Variants in TBC1D21 observed in about 807,000 individuals in gnomAD.
TBC1D21 encodes the protein TBC1 domain family member 21, also known as male germ cell Rab GTPase-activating protein.
A neutral mutation model predicts 46.0 loss-of-function variants in TBC1D21; 38 were observed. The observed-to-expected ratio is 0.83, with a 90% CI of 0.64 to 1.08. The LOEUF (loss-of-function observed/expected upper bound fraction) is 1.08, where lower values mean the gene tolerates loss of function less well. Among genes scored for constraint, TBC1D21 ranks in the 50% least tolerant of loss-of-function variants. The probability of loss-of-function intolerance (pLI) is 0.00; values close to 1 mark genes in which losing one functional copy is unlikely to be tolerated. For missense variants in TBC1D21, 415 were observed against 417.9 expected (o/e 0.99, Z 0.06); for synonymous variants, 151 against 157.2 (o/e 0.96, Z 0.29).
the TBC1D21 span, among the ~76,000 whole-genome samples, chr15:73,897,857 G>A: frequency 1.3e-5 from 2 of 152,192 alleles, no homozygotes; most frequent in African/African-American, 4.8e-5. Flanking sequence ...GGGGAGCCTC[G>A]GGTTTCCCCG....
chr15:73,907,148 CTCT>C, the TBC1D21 span, among the ~76,000 whole-genome samples: 32,129 of 151,922 alleles, frequency 0.21, 4,333 homozygotes, highest in East Asian at 0.68. Flanking sequence ...GCTCCTCCTC[CTCT>C]TTTTTTCCCC....
chr15:73,888,576 CTCCTCT>C (rs1440568768), intron 10 of TBC1D21, 63 bp downstream of exon 10: 5 of 1,062,056 alleles, frequency 4.7e-6, no homozygotes, highest in Admixed American at 2.0e-5. Flanking sequence ...CCTCCTCCTC[CTCCTCT>C]TCCTCCTCCT....
chr15:73,889,243 C>A (rs1484564321), downstream of TBC1D21: 2 of 1,036,852 alleles, frequency 1.9e-6, no homozygotes, highest in African/African-American at 1.6e-5. Context: ...ATGTCTTTGA[C>A]CTTAGGGGCT....
downstream of TBC1D21, among the ~76,000 whole-genome samples, chr15:73,889,773 C>T (rs1193301473): frequency 2.6e-5 from 4 of 152,274 alleles, no homozygotes; most frequent in Admixed American, 6.5e-5. Flanking sequence ...CTTGATCAAT[C>T]TTTCTTGAGA....
chr15:73,889,330 T>C, downstream of TBC1D21: 1 of 530,410 alleles, frequency 1.9e-6, no homozygotes. Flanking sequence ...ATTCTGAGAC[T>C]AGGGAGGGTG....
the TBC1D21 span, among the ~76,000 whole-genome samples, chr15:73,898,863 C>CAAAAAAAAAAAAA: frequency 4.1e-4 from 10 of 24,106 alleles, 1 homozygote; most frequent in East Asian, 8.2e-3. Context: ...GACTCCATCT[C>CAAAAAAAAAAAAA]AAAAAAAAAA....
intron 4 of TBC1D21, among the ~76,000 whole-genome samples, 198 bp from the exon 5 acceptor site, chr15:73,884,583 G>T (rs1455121027): frequency 1.3e-5 from 2 of 152,192 alleles, no homozygotes; most frequent in African/African-American, 4.8e-5. Flanking sequence ...CTCGTTAGAG[G>T]GTTGGAGGTG....
downstream of TBC1D21, among the ~76,000 whole-genome samples, chr15:73,890,407 T>A (rs2068327401): frequency 6.6e-6 from 1 of 152,232 alleles, no homozygotes; most frequent in Non-Finnish European, 1.5e-5. Flanking sequence ...GAGCTCATGT[T>A]TGCTGGGCAG....
chr15:73,874,956 A>C (rs76721660), intron 1 of TBC1D21, among the ~76,000 whole-genome samples: 9,950 of 152,262 alleles, frequency 0.065, 794 homozygotes, highest in East Asian at 0.2. Context: ...GGAGTAGAAA[A>C]GAGAACCTGT....
chr15:73,885,142 A>AC (rs761853084), intron 6 of TBC1D21, 39 bp downstream of exon 6: 1 of 1,544,706 alleles, frequency 6.5e-7, no homozygotes, highest in South Asian at 1.1e-5. Context: ...CCCCTCCCCA[A>AC]CCCCCCACTA....
the TBC1D21 span, among the ~76,000 whole-genome samples, chr15:73,897,500 A>G: frequency 2.6e-5 from 4 of 152,242 alleles, no homozygotes; most frequent in Non-Finnish European, 5.9e-5. Flanking sequence ...GGCTTCCCAC[A>G]GCCACAAGGT....
At chr15:73,889,582 A>G (rs188711484), downstream of TBC1D21, among the ~76,000 whole-genome samples, 54 of 152,324 alleles carry the variant, frequency 3.5e-4, no homozygotes, top group Non-Finnish European at 6.9e-4. Flanking sequence ...GTCCTGTCAC[A>G]TCAATCACAC....
chr15:73,906,531 C>T, the TBC1D21 span, among the ~76,000 whole-genome samples: 70 of 152,140 alleles, frequency 4.6e-4, no homozygotes, highest in African/African-American at 1.6e-3. Context: ...ACAAGGTACA[C>T]GGAGGAGGAA....
At chr15:73,901,077 A>G in the TBC1D21 span, among the ~76,000 whole-genome samples, 1 of 152,206 alleles carries the variant, frequency 6.6e-6, no homozygotes, top group African/African-American at 2.4e-5. Context: ...TACCAGGCCC[A>G]CAGAGCAAAG....
chr15:73,886,619 T>C lies in TBC1D21; in HGVS notation c.777+7T>C. 6.2e-7 allele frequency: 1 copy of C among 1,612,748 alleles called. No homozygotes were observed. Among genetic ancestry groups the C allele is most frequent in the Non-Finnish European group, 8.5e-7 (1 of 1,179,550 alleles). On this transcript the variant is annotated splice_region_variant and intron_variant, in intron 8 of 10. Coordinates refer to ENST00000300504, the MANE Select transcript of TBC1D21 (RefSeq NM_153356.3). ...TGTCTGGAGGCTCTGGGAGGTGAGG[T>C]GTCCAGCTAGGGATCATCAGGCTGG...
At chr15:73,877,515 A>G (rs1312898273) in intron 1 of TBC1D21, among the ~76,000 whole-genome samples, 1 of 1,450 alleles carries the variant, frequency 6.9e-4, no homozygotes, top group Non-Finnish European at 4.1e-3. Flanking sequence ...CCAGAAAACT[A>G]AAAAAAAAAA....
At chr15:73,881,545 G>A (rs1269241865) in intron 2 of TBC1D21, 39 bp downstream of exon 2, 5 of 1,607,256 alleles carry the variant, frequency 3.1e-6, no homozygotes, top group South Asian at 1.1e-5. Context: ...CCCTGGAACT[G>A]GGAGCATGGA....
the TBC1D21 span, among the ~76,000 whole-genome samples, chr15:73,903,104 AT>A: frequency 1.3e-5 from 2 of 152,042 alleles, no homozygotes; most frequent in Non-Finnish European, 2.9e-5. Flanking sequence ...CTTCTCTCTT[AT>A]TCTCCCTGTA....
At chr15:73,876,199 GTTT>G (rs539517539) in intron 1 of TBC1D21, among the ~76,000 whole-genome samples, 501 of 28,296 alleles carry the variant, frequency 0.018, 124 homozygotes, top group Non-Finnish European at 0.045. Context: ...TTTTTTGTGG[GTTT>G]TTTTTTTTTT....
Sources: allele counts gnomAD v4.1 joint callset (sites outside exome capture counted in the v4.1 genomes callset), GRCh38; gene constraint gnomAD v4.1.1; transcripts MANE v1.5; gene names NCBI Gene and HGNC (gene_info 2026-07-23, HGNC 2026-07-21).